MIPOL1: variants seen among roughly 807,000 people sequenced by gnomAD.
MIPOL1 encodes mirror-image polydactyly gene 1 protein.
Under a neutral mutation model 60.9 loss-of-function variants are expected in MIPOL1, and 57 were observed. The observed-to-expected ratio is 0.94, with a 90% confidence interval of 0.76 to 1.17. MIPOL1 has a LOEUF of 1.17. Among genes scored for constraint, MIPOL1 ranks in the 50% most tolerant of loss-of-function variants. The pLI is 0.00. For missense variants in MIPOL1, 551 were observed against 511.6 expected, an observed-to-expected ratio of 1.08 and a Z score of -0.74; for synonymous variants, 179 against 168.8, an observed-to-expected ratio of 1.06 and a Z score of -0.47.
chr14:37,517,742 C>A (rs548616701), intron 12 of MIPOL1, among the ~76,000 whole-genome samples: 18 of 152,186 alleles, frequency 1.2e-4, no homozygotes, highest in Admixed American at 9.8e-4. Flanking sequence ...ATTTCCAGGA[C>A]AGATTGCTAA....
intron 3 of MIPOL1, among the ~76,000 whole-genome samples, chr14:37,254,039 G>A (rs1028188860): frequency 3.3e-5 from 5 of 151,728 alleles, no homozygotes; most frequent in Non-Finnish European, 7.4e-5. Flanking sequence ...GCTTAATAGA[G>A]TGCTAGTAGC....
downstream of MIPOL1, chr14:37,551,316 A>G (rs929128967): frequency 4.6e-5 from 7 of 152,138 alleles, no homozygotes; most frequent in Admixed American, 6.5e-5. Flanking sequence ...TAAATGTACA[A>G]TCCTGAAGAC....
intron 1 of MIPOL1, among the ~76,000 whole-genome samples, chr14:37,221,933 G>A (rs7142930): frequency 0.074 from 11,065 of 149,452 alleles, 1,343 homozygotes; most frequent in African/African-American, 0.26. Flanking sequence ...AGTTGTTCCA[G>A]CATAAACTCA....
chr14:37,514,867 A>C (rs551389313), intron 12 of MIPOL1, among the ~76,000 whole-genome samples: 1 of 152,130 alleles, frequency 6.6e-6, no homozygotes. Flanking sequence ...ACAGTTGTGC[A>C]GCTATCCTAA....
At chr14:37,265,534 T>A (rs1000562582) in intron 3 of MIPOL1, among the ~76,000 whole-genome samples, 2 of 152,176 alleles carry the variant, frequency 1.3e-5, no homozygotes, top group African/African-American at 4.8e-5. Context: ...AAACTTTTTA[T>A]ACAAATGTTT....
rs183050243 is a variant in MIPOL1 at position 37,366,402 on chromosome 14, C to T, written c.829-3115C>T. 6.6e-5 allele frequency among the ~76,000 whole-genome samples: 10 copies of T among 152,014 alleles called. No homozygotes were observed. In the South Asian group the frequency reaches 1.0e-3, roughly 16 times the overall value. Reference sequence around the variant, plus strand: ...TCAGTTTTCTTCTTAATTTCTTCATCGACCCCCTGGTCATTCAGGAGCATA... The same window carrying T: ...TCAGTTTTCTTCTTAATTTCTTCATTGACCCCCTGGTCATTCAGGAGCATA... On this transcript the variant is annotated intron_variant, in intron 9 of 12. Transcript: ENST00000684589.
At chr14:37,422,746 G>GTT (rs112737768) in intron 10 of MIPOL1, 109 bp from the exon 11 acceptor site, 135 of 561,166 alleles carry the variant, frequency 2.4e-4, no homozygotes, top group South Asian at 5.1e-4. Flanking sequence ...ACATTCATAG[G>GTT]TTTTTTTTTT....
In MIPOL1 at chr14:37,482,060, GA is replaced by G. The variant is rs534157675; in HGVS notation, c.1032-17841del. On this transcript the variant is annotated intron_variant, in intron 11 of 12. Transcript: ENST00000684589. ...ACCCCAAAAAGCATAGGCAACAAAA[GA>G]AAAAAATAGACAGATGAGATTACAT... Among the ~76,000 whole-genome samples the G allele has an allele frequency of 5.7e-3, 863 of 151,730 alleles. 10 individuals carry two copies. Among genetic ancestry groups the G allele is most frequent in the African/African-American group, 0.02 (842 of 41,404 alleles).
intron 6 of MIPOL1, chr14:37,277,153 T>C (rs1308446223): frequency 2.0e-5 from 3 of 151,236 alleles, no homozygotes; most frequent in Non-Finnish European, 4.5e-5. Flanking sequence ...ATGTCAAGCC[T>C]TTGAAAATAT....
chr14:37,458,689 G>GAC (rs921151400), intron 11 of MIPOL1, among the ~76,000 whole-genome samples: 2 of 150,994 alleles, frequency 1.3e-5, no homozygotes, highest in Admixed American at 6.6e-5. Flanking sequence ...CATACACACA[G>GAC]ACACACACAC....
intron 11 of MIPOL1, among the ~76,000 whole-genome samples, chr14:37,484,507 T>C (rs1219191968): frequency 3.3e-5 from 5 of 151,936 alleles, no homozygotes; most frequent in Non-Finnish European, 7.4e-5. Flanking sequence ...CCAGCACATT[T>C]TTGTATTTTT....
At chr14:37,287,461 C>T (rs1427906179) in intron 7 of MIPOL1, among the ~76,000 whole-genome samples, 3 of 151,944 alleles carry the variant, frequency 2.0e-5, no homozygotes, top group South Asian at 2.1e-4. Flanking sequence ...ACTGTGTGGC[C>T]CAGGCTGGTG....
chr14:37,498,608 T>C (rs1191580764), intron 11 of MIPOL1, among the ~76,000 whole-genome samples: 1 of 152,136 alleles, frequency 6.6e-6, no homozygotes, highest in East Asian at 1.9e-4. Flanking sequence ...AATAACAATG[T>C]GCAAACCATG....
chr14:37,342,043 C>T (rs2090609115), intron 9 of MIPOL1, among the ~76,000 whole-genome samples: 1 of 151,966 alleles, frequency 6.6e-6, no homozygotes, highest in Non-Finnish European at 1.5e-5. Flanking sequence ...TATTTCTCAC[C>T]AAGAGTTGAT....
intron 11 of MIPOL1, among the ~76,000 whole-genome samples, chr14:37,423,340 A>G (rs1182131826): frequency 2.0e-5 from 3 of 150,408 alleles, no homozygotes; most frequent in Non-Finnish European, 4.4e-5. Flanking sequence ...TATATATTTT[A>G]AAACACACAT....
intron 1 of MIPOL1, among the ~76,000 whole-genome samples, chr14:37,221,944 A>G (rs1692784270): frequency 8.5e-6 from 1 of 117,558 alleles, no homozygotes; most frequent in Admixed American, 8.1e-5. Flanking sequence ...CATAAACTCA[A>G]AAGTCCAAAC....
intron 1 of MIPOL1, among the ~76,000 whole-genome samples, chr14:37,241,656 A>T (rs1464569827): frequency 1.3e-5 from 2 of 152,034 alleles, no homozygotes; most frequent in Non-Finnish European, 2.9e-5. Context: ...GTCTTTTTTC[A>T]TGGTAATTTT....
At chr14:37,258,785 A>G (rs1029064413) in intron 3 of MIPOL1, among the ~76,000 whole-genome samples, 4 of 152,134 alleles carry the variant, frequency 2.6e-5, no homozygotes, top group African/African-American at 9.6e-5. Context: ...AGAAATCGGA[A>G]CTTTTCCTCA....
intron 9 of MIPOL1, among the ~76,000 whole-genome samples, chr14:37,316,787 G>C (rs567318256): frequency 6.6e-6 from 1 of 152,014 alleles, no homozygotes; most frequent in Non-Finnish European, 1.5e-5. Context: ...GGCCAGCCTG[G>C]CCAACATGGT....
Sources: gnomAD v4.1 joint callset for allele counts (sites outside exome capture counted in the v4.1 genomes callset) on GRCh38, gnomAD v4.1.1 for gene constraint, MANE v1.5 for transcripts, NCBI Gene and HGNC (gene_info 2026-07-23, HGNC 2026-07-21) for gene names.